RCOR1: variants seen among roughly 807,000 people sequenced by gnomAD.
The protein encoded by RCOR1 is REST corepressor.
Under a neutral mutation model 64.0 loss-of-function variants are expected in RCOR1, and 12 were observed. The ratio of observed to expected loss-of-function variants is 0.19; its 90% CI spans 0.12 to 0.30. RCOR1 has a LOEUF of 0.30. Among genes scored for constraint, RCOR1 ranks in the 10% least tolerant of loss-of-function variants. The probability of loss-of-function intolerance (pLI) is 1.00; values close to 1 mark genes in which losing one functional copy is unlikely to be tolerated. For missense variants in RCOR1, 502 were observed against 621.2 expected (o/e 0.81, Z 2.04); for synonymous variants, 279 against 227.2 (o/e 1.23, Z -2.05).
chr14:102,611,645 C>G (rs1305834019), intron 2 of RCOR1, among the ~76,000 whole-genome samples: 2 of 152,116 alleles, frequency 1.3e-5, no homozygotes, highest in East Asian at 1.9e-4. Context: ...CTTTTAAGCT[C>G]TGTTAGGTGA....
chr14:102,640,271 G>A (rs890338737), intron 2 of RCOR1, among the ~76,000 whole-genome samples: 1 of 152,208 alleles, frequency 6.6e-6, no homozygotes, highest in African/African-American at 2.4e-5. Context: ...GCCCAGCCTA[G>A]TCATGTTTTT....
chr14:102,726,730 C>T lies in RCOR1; in HGVS notation c.*224C>T, dbSNP rs1896271453. 2 of 534,284 alleles carry T rather than the reference C, an allele frequency of 3.7e-6. No homozygotes were observed. Among genetic ancestry groups the T allele is most frequent in the East Asian group, 6.8e-5 (2 of 29,478 alleles). 33.1% of individuals were successfully genotyped at this position (534,284 alleles called of 1,614,324 possible). A position where few individuals can be genotyped will look rare whatever the true frequency, so the allele number is the denominator to read the frequency against. ...AGCTCCACTGCATCTCACACTCTGCCCACGTGCTGGGGAAGTCTCACGGCC... is the reference window on the plus strand; with the variant it reads ...AGCTCCACTGCATCTCACACTCTGCTCACGTGCTGGGGAAGTCTCACGGCC... On this transcript the variant is annotated 3_prime_UTR_variant, in exon 12 of 12. Transcript: ENST00000262241.
intron 2 of RCOR1, among the ~76,000 whole-genome samples, chr14:102,654,062 T>G (rs901172366): frequency 2.8e-5 from 4 of 143,690 alleles, no homozygotes; most frequent in Admixed American, 7.2e-5. Flanking sequence ...CTCCACTCAC[T>G]GCAAGCTCTG....
In RCOR1 at chr14:102,673,152, A is replaced by T. The variant is rs1402567723; in HGVS notation, c.362-8743A>T. Among the ~76,000 whole-genome samples the T allele has an allele frequency of 8.5e-5, 13 of 152,196 alleles. 1 individual carries two copies. Among genetic ancestry groups the T allele is most frequent in the Non-Finnish European group, 5.9e-5 (4 of 68,026 alleles). On this transcript the variant is annotated intron_variant, in intron 2 of 11. Transcript: ENST00000262241. ...AGAATATCTTTATTGTATACATCTT[A>T]TTCTTTAAATGTACCCCATAACTAA...
intron 2 of RCOR1, among the ~76,000 whole-genome samples, chr14:102,639,741 C>T (rs1319488910): frequency 2.0e-5 from 3 of 151,758 alleles, no homozygotes; most frequent in South Asian, 2.1e-4. Flanking sequence ...CCATGTTGGC[C>T]GGGCTGGTCT....
At chr14:102,596,366 T>A (rs1419150107) in intron 2 of RCOR1, among the ~76,000 whole-genome samples, 1 of 152,050 alleles carries the variant, frequency 6.6e-6, no homozygotes, top group Non-Finnish European at 1.5e-5. Flanking sequence ...GCCTTCCAAA[T>A]TACTGGGATT....
At chr14:102,631,191 T>C (rs1444498470) in intron 2 of RCOR1, among the ~76,000 whole-genome samples, 1 of 150,694 alleles carries the variant, frequency 6.6e-6, no homozygotes, top group African/African-American at 2.5e-5. Context: ...CCATTGGGAG[T>C]GGACTAGTCC....
Position 102,657,312 on chromosome 14 carries a change from G to T in RCOR1, c.362-24583G>T, listed in dbSNP as rs976575359. The stretch of plus-strand genomic sequence containing the variant: ...GTCCTTTTAGGCGATATGTCCTCAT[G>T]TTCAAGGAGTAATGGCATACTGGTT... On this transcript the variant is annotated intron_variant, in intron 2 of 11. Transcript: ENST00000262241. 5.1e-6 allele frequency: 5 copies of T among 985,136 alleles called. No individual in the cohort carries two copies. The South Asian group carries it at 1.9e-4, about 37-fold the overall frequency. The allele number at this position is 985,136 out of a possible 1,614,324, so 61.0% of individuals were successfully genotyped here.
rs1896321169 is a variant in RCOR1 at position 102,729,023 on chromosome 14, T to A, written c.*2517T>A. 2 of 152,622 alleles carry A rather than the reference T, an allele frequency of 1.3e-5. No individual in the cohort carries two copies. Among genetic ancestry groups the A allele is most frequent in the African/African-American group, 4.8e-5 (2 of 41,442 alleles). The allele number at this position is 152,622 out of a possible 1,614,324, so 9.5% of individuals were successfully genotyped here. On this transcript the variant is annotated 3_prime_UTR_variant, in exon 12 of 12. Coordinates refer to ENST00000262241, the MANE Select transcript of RCOR1 (RefSeq NM_015156.4). Reference sequence around the variant, plus strand: ...AATTAGGTGCATTGGCAGGTAGGGTTTGGGGTGTGATAACTGCTTCAGATG... The same window carrying A: ...AATTAGGTGCATTGGCAGGTAGGGTATGGGGTGTGATAACTGCTTCAGATG...
intron 8 of RCOR1, among the ~76,000 whole-genome samples, chr14:102,716,629 A>C (rs1029089256): frequency 6.6e-6 from 1 of 152,234 alleles, no homozygotes; most frequent in African/African-American, 2.4e-5. Flanking sequence ...TTTGCAACGC[A>C]GCAGGACCTT....
intron 4 of RCOR1, among the ~76,000 whole-genome samples, chr14:102,706,114 C>CAAAA (rs71119732): frequency 0.013 from 274 of 21,342 alleles, 24 homozygotes; most frequent in Admixed American, 0.022. Context: ...AACCCTGTCT[C>CAAAA]AAAAAAAAAA....
At chr14:102,631,121 G>A (rs1567414491) in intron 2 of RCOR1, among the ~76,000 whole-genome samples, 1 of 152,006 alleles carries the variant, frequency 6.6e-6, no homozygotes, top group African/African-American at 2.4e-5. Flanking sequence ...CGATGACTTT[G>A]TGTCTCTGAC....
At chr14:102,643,744 C>G (rs1032411846) in intron 2 of RCOR1, among the ~76,000 whole-genome samples, 3 of 152,134 alleles carry the variant, frequency 2.0e-5, no homozygotes, top group African/African-American at 7.2e-5. Context: ...GAGCTGTACC[C>G]TAGACTTGAA....
At chr14:102,606,725 T>C (rs1893516163) in intron 2 of RCOR1, among the ~76,000 whole-genome samples, 1 of 148,292 alleles carries the variant, frequency 6.7e-6, no homozygotes, top group South Asian at 2.2e-4. Flanking sequence ...AGCCTTGACT[T>C]CTTGGGCACC....
At chr14:102,677,107 G>A (rs1476201260) in intron 2 of RCOR1, among the ~76,000 whole-genome samples, 4 of 134,180 alleles carry the variant, frequency 3.0e-5, no homozygotes, top group African/African-American at 5.8e-5. Context: ...AGGGGCGGCC[G>A]GGCCGAGGAG....
chr14:102,678,949 C>T (rs1175100080), intron 2 of RCOR1, among the ~76,000 whole-genome samples: 1 of 152,114 alleles, frequency 6.6e-6, no homozygotes, highest in African/African-American at 2.4e-5. Flanking sequence ...CTGTTCAAAT[C>T]TTTTGGCCAT....
chr14:102,593,049 T>TCGG lies in RCOR1; in HGVS notation c.165_167dup (p.Ala59dup). The TCGG allele has an allele frequency of 7.2e-7, 1 of 1,380,672 alleles. No individual in the cohort carries two copies. The highest frequency in any genetic ancestry group is 1.6e-5 in the South Asian group (1 of 64,178). 85.5% of individuals were successfully genotyped at this position (1,380,672 alleles called of 1,614,324 possible). ...CTCGGGCGCCGCCGCCTCCTCAGCC[T>TCGG]CGGCCGCCGCCGCCTCAGCCGCCGC... On this transcript the variant is annotated inframe_insertion, in exon 1 of 12. Coordinates refer to ENST00000262241, the MANE Select transcript of RCOR1 (RefSeq NM_015156.4).
At chr14:102,622,383 T>A (rs1196153360) in intron 2 of RCOR1, among the ~76,000 whole-genome samples, 4 of 152,154 alleles carry the variant, frequency 2.6e-5, no homozygotes, top group African/African-American at 9.7e-5. Context: ...CCACTCTCCC[T>A]ACCCTCACCC....
chr14:102,619,205 T>G (rs1209652767), intron 2 of RCOR1, among the ~76,000 whole-genome samples: 1 of 152,164 alleles, frequency 6.6e-6, no homozygotes, highest in Non-Finnish European at 1.5e-5. Context: ...CATTGCAACC[T>G]CCGCCTCCCA....
Sources: gnomAD v4.1 joint callset for allele counts (sites outside exome capture counted in the v4.1 genomes callset) on GRCh38, gnomAD v4.1.1 for gene constraint, MANE v1.5 for transcripts, NCBI Gene and HGNC (gene_info 2026-07-23, HGNC 2026-07-21) for gene names.